The following TBC1D8 variants were observed in gnomAD, a reference collection of about 807,000 sequenced individuals.
TBC1D8 encodes the protein BUB2-like protein 1.
Under a neutral mutation model 118.8 loss-of-function variants are expected in TBC1D8, and 65 were observed. The observed-to-expected ratio is 0.55, with a 90% CI of 0.45 to 0.67. TBC1D8 has a LOEUF of 0.67. TBC1D8 is among the 30% of genes least tolerant of loss of function. The pLI, the probability that TBC1D8 is intolerant of heterozygous loss-of-function variation, is 0.00. For synonymous variants in TBC1D8, 566 were observed against 595.8 expected, an observed-to-expected ratio of 0.95 and a Z score of 0.73; for missense variants, 1,376 against 1,471.2, an observed-to-expected ratio of 0.94 and a Z score of 1.06.
At chr2:101,037,398 A>G in intron 8 of TBC1D8, 134 bp downstream of exon 8, 1 of 1,286,740 alleles carries the variant, frequency 7.8e-7, no homozygotes, top group Non-Finnish European at 1.0e-6. Context: ...TTCACCCATG[A>G]GAACAAGACG....
rs1174558726 is a variant in TBC1D8, at chr2:101,085,041, C to T, written c.283+5168G>A. The stretch of plus-strand genomic sequence containing the variant: ...TTTTTTTGTTTTTTTTTAGTAGAGT[C>T]GGGGTTTCACCGTGTTAGCCAGGAT... On this transcript the variant is annotated intron_variant, in intron 2 of 19. Transcript: ENST00000409318. 3.3e-5 allele frequency among the ~76,000 whole-genome samples: 5 copies of T among 151,594 alleles called. No homozygotes were observed. In the South Asian group the frequency reaches 6.3e-4, roughly 19 times the overall value.
intron 15 of TBC1D8, 124 bp downstream of exon 15, chr2:101,027,259 G>A: frequency 5.0e-6 from 4 of 799,848 alleles, no homozygotes; most frequent in African/African-American, 1.7e-5. Context: ...TTCAAGGGGG[G>A]CAGCTCCGGC....
intron 17 of TBC1D8, 140 bp from the exon 18 acceptor site, chr2:101,011,680 C>G: frequency 1.4e-6 from 1 of 735,772 alleles, no homozygotes; most frequent in Non-Finnish European, 2.3e-6. Context: ...GTCCACGAAC[C>G]CAAATGCACA....
chr2:101,032,911 C>G (rs917490276), intron 10 of TBC1D8: 1 of 171,442 alleles, frequency 5.8e-6, no homozygotes, highest in African/African-American at 2.4e-5. Context: ...CTCACCTCCA[C>G]TCATGTGTCC....
chr2:101,098,287 G>A (rs994993555), intron 1 of TBC1D8, among the ~76,000 whole-genome samples: 1 of 151,988 alleles, frequency 6.6e-6, no homozygotes, highest in African/African-American at 2.4e-5. Flanking sequence ...GCTGAGGCAG[G>A]AGAATCGCTT....
intron 4 of TBC1D8, among the ~76,000 whole-genome samples, chr2:101,052,006 C>T (rs1196104965): frequency 7.9e-5 from 12 of 152,234 alleles, no homozygotes; most frequent in Non-Finnish European, 2.9e-5. Context: ...CAAAGGAACA[C>T]TATTCTGAAA....
At position 101,029,579 on chromosome 2, in the gene TBC1D8, A is replaced by C; in HGVS notation, c.2134T>G (p.Phe712Val). The C allele has an allele frequency of 6.2e-7, 1 of 1,613,980 alleles. No homozygotes were observed. The highest frequency in any genetic ancestry group is 8.5e-7 in the Non-Finnish European group (1 of 1,179,872). ...TCAAGCACAGCCAGTCCCAGCTGGAAGATGGCTTTGATGCCATCATAGAAG... is the reference window on the plus strand; with the variant it reads ...TCAAGCACAGCCAGTCCCAGCTGGACGATGGCTTTGATGCCATCATAGAAG... The part of the protein sequence containing the change: ...CFFYDGIKAI[F>V]QLGLAVLEAN... Residue 712 changes from phenylalanine (F) to valine (V), a missense_variant, in exon 12 of 20, where the codon TTC (phenylalanine) becomes GTC (valine). Physicochemically the swap from Phe to Val is conservative, Grantham distance 50. Coordinates refer to ENST00000409318, the MANE Select transcript of TBC1D8 (RefSeq NM_001330348.2).
At chr2:101,009,297 T>A (rs1268243483) in intron 19 of TBC1D8, among the ~76,000 whole-genome samples, 1 of 151,340 alleles carries the variant, frequency 6.6e-6, no homozygotes. Context: ...TCCCAGCTAC[T>A]CGGGAAGCTG....
intron 17 of TBC1D8, chr2:101,018,031 C>A: frequency 8.4e-7 from 1 of 1,190,436 alleles, no homozygotes. Context: ...TTCTACATAT[C>A]AACCCCTTTT....
intron 1 of TBC1D8, among the ~76,000 whole-genome samples, chr2:101,111,676 G>A (rs1410230962): frequency 3.3e-5 from 5 of 152,186 alleles, no homozygotes; most frequent in East Asian, 1.9e-4. Context: ...AGCGAGTTAC[G>A]CTACCTGGAC....
intron 3 of TBC1D8, among the ~76,000 whole-genome samples, chr2:101,057,777 T>C (rs981129625): frequency 2.6e-5 from 4 of 152,134 alleles, no homozygotes; most frequent in African/African-American, 7.2e-5. Context: ...TGAGCCACGA[T>C]TGCACCACTG....
At chr2:101,012,301 A>C (rs1470185283) in intron 17 of TBC1D8, among the ~76,000 whole-genome samples, 1 of 152,230 alleles carries the variant, frequency 6.6e-6, no homozygotes, top group Non-Finnish European at 1.5e-5. Flanking sequence ...AAACACCCAA[A>C]TGTTGAATAA....
rs781709272 is a variant in TBC1D8 at position 101,037,509 on chromosome 2, C to CT, written c.1452+22dup. 1.7e-5 allele frequency: 27 copies of CT among 1,608,862 alleles called. No homozygotes were observed. In the East Asian group the frequency reaches 5.8e-4, roughly 35 times the overall value. ...CCCACGGCTCAGCTTTGTGGTCCAGCTTGGGCACCAGGCGTCACCCACCAT... is the reference window on the plus strand; with the variant it reads ...CCCACGGCTCAGCTTTGTGGTCCAGCTTTGGGCACCAGGCGTCACCCACCAT... On this transcript the variant is annotated intron_variant, in intron 8 of 19. Transcript: ENST00000409318.
chr2:101,011,284 C>A, intron 18 of TBC1D8, 167 bp downstream of exon 18: 1 of 751,156 alleles, frequency 1.3e-6, no homozygotes, highest in Non-Finnish European at 2.1e-6. Flanking sequence ...CCAGCAACAC[C>A]CCCACTAGGA....
Position 101,036,060 on chromosome 2 carries a change from T to A in TBC1D8, c.1561A>T (p.Ile521Phe). The change falls in exon 9 of 20, where the codon ATC (isoleucine) becomes TTC (phenylalanine). Residue 521 changes from isoleucine to phenylalanine, a missense_variant. Ile to Phe is a conservative substitution (Grantham distance 21, BLOSUM62 0). Coordinates refer to ENST00000409318, the MANE Select transcript of TBC1D8 (RefSeq NM_001330348.2). ...EKIRKLVAMGIPESLRGRLWL... is the reference protein window; with the variant it reads ...EKIRKLVAMGFPESLRGRLWL... Reference sequence around the variant, plus strand: ...AGTCTCCCTCGCAAAGATTCAGGGATGCCCATGGCTACGAGCTTCCGAATC... The same window carrying A: ...AGTCTCCCTCGCAAAGATTCAGGGAAGCCCATGGCTACGAGCTTCCGAATC... 6.2e-7 allele frequency: 1 copy of A among 1,614,042 alleles called. No homozygotes were observed. Among genetic ancestry groups the A allele is most frequent in the Non-Finnish European group, 8.5e-7 (1 of 1,179,904 alleles).
chr2:101,010,926 T>C lies in TBC1D8; in HGVS notation c.3015+3A>G, dbSNP rs199660471. 7.7e-5 allele frequency: 123 copies of C among 1,603,678 alleles called. No individual in the cohort carries two copies. The highest frequency in any genetic ancestry group is 1.0e-4 in the Non-Finnish European group (118 of 1,173,572). On this transcript the variant is annotated splice_donor_region_variant and intron_variant, in intron 19 of 19. Transcript: ENST00000409318. ...AATTCTCTGCACTGAAGAAAGTCCA[T>C]ACCTGGCTCATTTTGGGCAATTCTT...
intron 15 of TBC1D8, among the ~76,000 whole-genome samples, chr2:101,025,410 AGAGACAGGTTTTCAC>A: frequency 6.6e-6 from 1 of 152,252 alleles, no homozygotes. Flanking sequence ...TATTTTTAGT[AGAGACAGGTTTTCAC>A]GATGTTGGCC....
At position 101,020,022 on chromosome 2, in the gene TBC1D8, G is replaced by C. The variant is rs1490275311; in HGVS notation, c.2827+1659C>G. 2.7e-5 allele frequency among the ~76,000 whole-genome samples: 4 copies of C among 148,978 alleles called. No individual in the cohort carries two copies. In the East Asian group the frequency reaches 5.9e-4, roughly 22 times the overall value. On this transcript the variant is annotated intron_variant, in intron 17 of 19. Transcript: ENST00000409318. ...CGGGAGGCGGAGCTTGCAGTGAGCC[G>C]AGATTGCGCCACTGCATTCCAGCCT...
chr2:101,070,129 C>G (rs1683231232), intron 2 of TBC1D8, among the ~76,000 whole-genome samples: 1 of 151,900 alleles, frequency 6.6e-6, no homozygotes, highest in Admixed American at 6.6e-5. Context: ...ATTGGTCAGG[C>G]TGGTCTTGAA....
Sources: allele counts gnomAD v4.1 joint callset (sites outside exome capture counted in the v4.1 genomes callset), GRCh38; gene constraint gnomAD v4.1.1; transcripts MANE v1.5; gene names NCBI Gene and HGNC (gene_info 2026-07-23, HGNC 2026-07-21).